The following ZNF544 variants were observed in gnomAD, a reference collection of about 807,000 sequenced individuals.
ZNF544 encodes the protein zinc finger protein 544.
In ZNF544, 10 loss-of-function variants were observed where a neutral mutation model predicts 13.5. The ratio of observed to expected loss-of-function variants is 0.74; its 90% CI spans 0.46 to 1.25. The LOEUF is 1.25. Among genes scored for constraint, ZNF544 ranks in the 50% most tolerant of loss-of-function variants. ZNF544 has a pLI of 0.00. For synonymous variants in ZNF544, 323 were observed against 300.5 expected (o/e 1.07, Z -0.77); for missense variants, 896 against 845.6 (o/e 1.06, Z -0.74).
chr19:58,273,683 C>G (rs529655586), intron 5 of ZNF544, among the ~76,000 whole-genome samples: 2 of 142,800 alleles, frequency 1.4e-5, no homozygotes, highest in African/African-American at 5.3e-5. Flanking sequence ...GAGTGAGACT[C>G]TGTCTCAAAA....
At chr19:58,256,779 G>T (rs2047508632) in intron 6 of ZNF544, among the ~76,000 whole-genome samples, 1 of 152,202 alleles carries the variant, frequency 6.6e-6, no homozygotes, top group Non-Finnish European at 1.5e-5. Context: ...AGGGGGTTGG[G>T]TAAGGAGCCC....
Position 58,262,497 on chromosome 19 carries a change from C to T in ZNF544, c.1891C>T (p.Pro631Ser), listed in dbSNP as rs970801570. Residue 631 changes from proline (P) to serine (S), a missense_variant, in exon 7 of 7, where the codon CCG (proline) becomes TCG (serine). Pro to Ser is a moderately conservative substitution (Grantham distance 74). Coordinates refer to ENST00000687789, the MANE Select transcript of ZNF544 (RefSeq NM_014480.4). The stretch of plus-strand genomic sequence containing the variant: ...TCTGCAAATTCACACTGGGGAGAAG[C>T]CGTACAAATGCAATCAGTGCAATAA... ...RHLQIHTGEK[P>S]YKCNQCNKAF... The T allele has an allele frequency of 1.2e-6, 2 of 1,614,144 alleles. No homozygotes were observed. The highest frequency in any genetic ancestry group is 1.7e-5 in the Admixed American group (1 of 60,010).
intron 5 of ZNF544, among the ~76,000 whole-genome samples, chr19:58,270,466 T>C (rs1446869669): frequency 1.3e-5 from 2 of 152,160 alleles, no homozygotes; most frequent in East Asian, 3.9e-4. Context: ...CACGCCCAGC[T>C]AATTTTTGTA....
At chr19:58,266,401 G>C (rs1013276387), downstream of ZNF544, among the ~76,000 whole-genome samples, 1 of 150,170 alleles carries the variant, frequency 6.7e-6, no homozygotes, top group African/African-American at 2.5e-5. Flanking sequence ...TGTAGTCCCA[G>C]CTACGAGGGA....
In ZNF544 at chr19:58,236,412, G is replaced by A. The variant is rs956962339; in HGVS notation, c.-60+5950G>A. On this transcript the variant is annotated intron_variant, in intron 3 of 6. Transcript: ENST00000687789. ...ACTCGGAGGCTGAGGCAGGAGAATC[G>A]CTTGAACCCTGGAGGCGGAGGTTGC... Among the ~76,000 whole-genome samples the A allele has an allele frequency of 2.7e-5, 4 of 150,628 alleles. No homozygotes were observed. The East Asian group carries it at 6.0e-4, about 22-fold the overall frequency.
intron 5 of ZNF544, among the ~76,000 whole-genome samples, chr19:58,274,976 A>G (rs1212811404): frequency 6.6e-6 from 1 of 151,992 alleles, no homozygotes; most frequent in Non-Finnish European, 1.5e-5. Flanking sequence ...AAGGGAGAGA[A>G]GACAGCCAAA....
intron 3 of ZNF544, among the ~76,000 whole-genome samples, chr19:58,238,447 C>T (rs952963741): frequency 2.0e-5 from 3 of 152,138 alleles, no homozygotes; most frequent in African/African-American, 7.2e-5. Flanking sequence ...CTGAGCCAGG[C>T]ATGGGGCAGG....
chr19:58,273,432 T>G (rs1478060168), intron 5 of ZNF544, among the ~76,000 whole-genome samples: 5 of 152,180 alleles, frequency 3.3e-5, no homozygotes, highest in African/African-American at 4.8e-5. Flanking sequence ...GGCTCACGCC[T>G]GTAATCCCAG....
At position 58,261,174 on chromosome 19, in the gene ZNF544, C is replaced by G. The variant is rs998458089; in HGVS notation, c.568C>G (p.Gln190Glu). 6.8e-6 allele frequency: 11 copies of G among 1,614,128 alleles called. No homozygotes were observed. The Admixed American group carries it at 1.5e-4, about 22-fold the overall frequency. Residue 190 changes from glutamine (Q) to glutamate (E), a missense_variant, in exon 7 of 7, where the codon CAA becomes GAA. Gln to Glu is a conservative substitution (Grantham distance 29, BLOSUM62 2). Coordinates refer to ENST00000687789, the MANE Select transcript of ZNF544 (RefSeq NM_014480.4). ...TACAGGTTTCCCTAAGCCCAACTCA[C>G]AAGTTAAAGAGTTGAAACAAAATTC... The part of the protein sequence containing the change: ...TSTGFPKPNS[Q>E]VKELKQNSAF...
intron 5 of ZNF544, 59 bp downstream of exon 5, chr19:58,246,486 T>A: frequency 6.2e-7 from 1 of 1,601,530 alleles, no homozygotes; most frequent in Non-Finnish European, 8.5e-7. Flanking sequence ...CTGTACCAAG[T>A]TCTGAAGGGT....
chr19:58,272,557 T>TTAAAAA (rs1050362675), intron 5 of ZNF544, among the ~76,000 whole-genome samples: 1 of 150,258 alleles, frequency 6.7e-6, no homozygotes, highest in African/African-American at 2.5e-5. Flanking sequence ...CCCTGTTTCT[T>TTAAAAA]TAAAAATAAA....
intron 5 of ZNF544, chr19:58,276,308 C>G (rs1160431165): frequency 8.2e-7 from 1 of 1,222,702 alleles, no homozygotes; most frequent in African/African-American, 1.6e-5. Context: ...CTCCTAGTAC[C>G]TTCTCTGCCT....
chr19:58,274,236 A>C (rs1296451248), intron 5 of ZNF544, among the ~76,000 whole-genome samples: 1 of 152,170 alleles, frequency 6.6e-6, no homozygotes, highest in African/African-American at 2.4e-5. Context: ...GTCTCTTCCC[A>C]AAATTGATAT....
rs539271531 is a variant in ZNF544, at chr19:58,252,092, T to C, written c.244+5298T>C. ...TGTCTGTTAGTACTGGCAGAAACTTTTATCCTTTGCAAGCTGGCATATCAG... is the reference window on the plus strand; with the variant it reads ...TGTCTGTTAGTACTGGCAGAAACTTCTATCCTTTGCAAGCTGGCATATCAG... On this transcript the variant is annotated intron_variant, in intron 6 of 6. Transcript: ENST00000687789. 1.2e-4 allele frequency among the ~76,000 whole-genome samples: 19 copies of C among 152,314 alleles called. No individual in the cohort carries two copies. The East Asian group carries it at 3.3e-3, about 26-fold the overall frequency.
At chr19:58,274,810 A>G (rs62114183) in intron 5 of ZNF544, among the ~76,000 whole-genome samples, 36,099 of 152,064 alleles carry the variant, frequency 0.24, 4,587 homozygotes, top group East Asian at 0.5. Context: ...ATCTGTTACA[A>G]TATGACTCAT....
In ZNF544 at chr19:58,263,191, T is replaced by C; in HGVS notation, c.*437T>C. The C allele has an allele frequency of 5.0e-6, 5 of 995,656 alleles. No homozygotes were observed. The highest frequency in any genetic ancestry group is 1.2e-6 in the Non-Finnish European group (1 of 835,452). The allele number at this position is 995,656 out of a possible 1,614,324, so 61.7% of individuals were successfully genotyped here. ...ATAACCAAGATGGAGCCGGGTGCAG[T>C]TGCCAACACTTGTAATCCCAGCAGT... is the stretch of plus-strand genomic sequence containing the variant. On this transcript the variant is annotated 3_prime_UTR_variant, in exon 7 of 7. Coordinates refer to ENST00000687789, the MANE Select transcript of ZNF544 (RefSeq NM_014480.4).
rs769800140 is a variant in ZNF544, at chr19:58,262,318, C to G, written c.1712C>G (p.Thr571Ser). The G allele has an allele frequency of 1.9e-6, 3 of 1,614,108 alleles. No individual in the cohort carries two copies. The highest frequency in any genetic ancestry group is 2.5e-6 in the Non-Finnish European group (3 of 1,180,032). ...SNLVIHQRIH[T>S]GEKPYDCTHC... ...CTCGTCATACATCAGAGAATTCATA[C>G]TGGAGAGAAACCGTACGATTGCACT... Residue 571 changes from threonine to serine, a missense_variant, in exon 7 of 7, where the codon ACT (threonine) becomes AGT (serine). Physicochemically the swap from Thr to Ser is moderately conservative, Grantham distance 58. Coordinates refer to ENST00000687789, the MANE Select transcript of ZNF544 (RefSeq NM_014480.4).
chr19:58,262,761 A>G lies in ZNF544; in HGVS notation c.*7A>G. 6.3e-7 allele frequency: 1 copy of G among 1,579,594 alleles called. No homozygotes were observed. Among genetic ancestry groups the G allele is most frequent in the Non-Finnish European group, 8.6e-7 (1 of 1,161,266 alleles). On this transcript the variant is annotated 3_prime_UTR_variant, in exon 7 of 7. Transcript: ENST00000687789. ...TACTGGAGAGAAACCTTAGGAGTGC[A>G]GTCATTGTGGGAAAGCTTTCATCCA...
intron 3 of ZNF544, among the ~76,000 whole-genome samples, chr19:58,232,346 C>CTT (rs71190011): frequency 1.2e-3 from 91 of 75,210 alleles, no homozygotes; most frequent in Non-Finnish European, 1.5e-3. Flanking sequence ...ACAATTTTAT[C>CTT]TTTTTTTTTT....
Sources: allele counts gnomAD v4.1 joint callset (sites outside exome capture counted in the v4.1 genomes callset), GRCh38; gene constraint gnomAD v4.1.1; transcripts MANE v1.5; gene names NCBI Gene and HGNC (gene_info 2026-07-23, HGNC 2026-07-21).